DGCR8: variants seen among roughly 807,000 people sequenced by gnomAD.
DGCR8 encodes microprocessor complex subunit DGCR8.
A neutral mutation model predicts 78.5 loss-of-function variants in DGCR8; 14 were observed. The ratio of observed to expected loss-of-function variants is 0.18; its 90% CI spans 0.12 to 0.28. DGCR8 has a LOEUF of 0.28. Ranked by LOEUF, DGCR8 falls within the 10% of genes least tolerant of loss-of-function variation. DGCR8 has a pLI of 1.00. For synonymous variants in DGCR8, 399 were observed against 402.4 expected, an observed-to-expected ratio of 0.99 and a Z score of 0.10; for missense variants, 702 against 1,022.5, an observed-to-expected ratio of 0.69 and a Z score of 4.28.
Position 20,087,108 on chromosome 22 carries a change from G to C in DGCR8, c.721-54G>C. 1.3e-6 allele frequency: 2 copies of C among 1,561,610 alleles called. No individual in the cohort carries two copies. Among genetic ancestry groups the C allele is most frequent in the Non-Finnish European group, 1.7e-6 (2 of 1,151,108 alleles). ...CTCAGGAATGCTGTTGAGCTCTCCTGTTGCAGGAGCATGAGCGCCAGGGGC... is the reference window on the plus strand; with the variant it reads ...CTCAGGAATGCTGTTGAGCTCTCCTCTTGCAGGAGCATGAGCGCCAGGGGC... On this transcript the variant is annotated intron_variant, in intron 2 of 13. Transcript: ENST00000351989. The surrounding 1 kb of genome is among the most constrained non-coding windows in gnomAD (Gnocchi z 4.1).
At position 20,089,600 on chromosome 22, in the gene DGCR8, G is replaced by A; in HGVS notation, c.881-69G>A. On this transcript the variant is annotated intron_variant, in intron 3 of 13. Coordinates refer to ENST00000351989, the MANE Select transcript of DGCR8 (RefSeq NM_022720.7). The surrounding 1 kb of genome is among the most constrained non-coding windows in gnomAD (Gnocchi z 4.9). ...CTAGTACCCAACAATTTCTTGTGCA[G>A]GAGGTGCTGTGGCAACAATTCCAAG... is the stretch of plus-strand genomic sequence containing the variant. 2 of 1,555,846 alleles carry A rather than the reference G, an allele frequency of 1.3e-6. No homozygotes were observed. The highest frequency in any genetic ancestry group is 1.8e-6 in the Non-Finnish European group (2 of 1,135,634).
chr22:20,087,213 C>G lies in DGCR8; in HGVS notation c.772C>G (p.Pro258Ala). 2 of 1,613,872 alleles carry G rather than the reference C, an allele frequency of 1.2e-6. No homozygotes were observed. Among genetic ancestry groups the G allele is most frequent in the Non-Finnish European group, 8.5e-7 (1 of 1,179,846 alleles). The change falls in exon 3 of 14, where the codon CCC becomes GCC. Residue 258 changes from proline (P) to alanine (A), a missense_variant. By Grantham distance (27) the Pro-to-Ala change is conservative (BLOSUM62 -1). Coordinates refer to ENST00000351989, the MANE Select transcript of DGCR8 (RefSeq NM_022720.7). The surrounding 1 kb of genome is among the most constrained non-coding windows in gnomAD (Gnocchi z 4.1). Reference sequence around the variant, plus strand: ...TCTGCTGGAAGAAGGCCTTTGTGCCCCCAAAAAGAGGCGAACAGAGGAAAA... The same window carrying G: ...TCTGCTGGAAGAAGGCCTTTGTGCCGCCAAAAAGAGGCGAACAGAGGAAAA... The part of the protein sequence containing the change: ...DALLEEGLCA[P>A]KKRRTEEKYG...
chr22:20,084,815 T>C (rs1312232531), intron 1 of DGCR8, among the ~76,000 whole-genome samples: 2 of 152,240 alleles, frequency 1.3e-5, no homozygotes, highest in Non-Finnish European at 2.9e-5. Context: ...CTTTGTCCTC[T>C]GGCCTGGAGG....
At chr22:20,099,674 C>T in intron 9 of DGCR8, among the ~76,000 whole-genome samples, 1 of 152,228 alleles carries the variant, frequency 6.6e-6, no homozygotes, top group East Asian at 1.9e-4. Flanking sequence ...TTAATTCTGA[C>T]CATTTTTGCT....
chr22:20,084,741 G>A (rs894242115), intron 1 of DGCR8, among the ~76,000 whole-genome samples: 2 of 152,176 alleles, frequency 1.3e-5, no homozygotes, highest in Admixed American at 1.3e-4. Context: ...ACCTCCGTTG[G>A]GTCAACAAGT....
Position 20,111,363 on chromosome 22 carries a change from G to A in DGCR8, c.*1255G>A, listed in dbSNP as rs1226029834. On this transcript the variant is annotated 3_prime_UTR_variant, in exon 14 of 14. Transcript: ENST00000351989. ...GCCCCCTACAGGCGGTACTGATGGC[G>A]CTTTTTTTTTTTTTTCTGTCAGGAA... 9 of 378,544 alleles carry A rather than the reference G, an allele frequency of 2.4e-5. No homozygotes were observed. Among genetic ancestry groups the A allele is most frequent in the South Asian group, 1.5e-4 (1 of 6,716 alleles). The allele number at this position is 378,544 out of a possible 1,614,324, so 23.4% of individuals were successfully genotyped here.
rs769376348 is a variant in DGCR8 at position 20,092,925 on chromosome 22, G to C, written c.1705+18G>C. ...TAAAGCTGGTAACGTGCTTGCTTGG[G>C]TGTCAAAGATACGTGCTGCCTGCTG... On this transcript the variant is annotated intron_variant, in intron 8 of 13. Coordinates refer to ENST00000351989, the MANE Select transcript of DGCR8 (RefSeq NM_022720.7). The C allele has an allele frequency of 6.2e-7, 1 of 1,604,562 alleles. No homozygotes were observed. Among genetic ancestry groups the C allele is most frequent in the East Asian group, 2.2e-5 (1 of 44,612 alleles).
At chr22:20,104,901 C>T (rs1338290140) in intron 9 of DGCR8, among the ~76,000 whole-genome samples, 3 of 152,150 alleles carry the variant, frequency 2.0e-5, no homozygotes, top group African/African-American at 4.8e-5. Context: ...CCCTGTGGAG[C>T]GGGCTTGGCA....
intron 9 of DGCR8, chr22:20,096,604 A>G (rs2049631467): frequency 7.2e-6 from 3 of 416,362 alleles, no homozygotes; most frequent in Non-Finnish European, 9.7e-6. Context: ...TTGTATAACC[A>G]TCATAACTAC....
chr22:20,100,437 G>A (rs1458114195), intron 9 of DGCR8: 44 of 985,302 alleles, frequency 4.5e-5, no homozygotes, highest in Non-Finnish European at 5.2e-5. Context: ...AGGCCCTCTG[G>A]GGAAGTGCTT....
intron 9 of DGCR8, among the ~76,000 whole-genome samples, chr22:20,103,539 C>T (rs887937454): frequency 6.6e-6 from 1 of 151,938 alleles, no homozygotes; most frequent in Non-Finnish European, 1.5e-5. Flanking sequence ...AAAATGTGTT[C>T]CTGGGATAAG....
chr22:20,098,055 A>T (rs1283037577), intron 9 of DGCR8, among the ~76,000 whole-genome samples: 3 of 150,000 alleles, frequency 2.0e-5, no homozygotes, highest in Non-Finnish European at 4.4e-5. Flanking sequence ...TGAACCCAGG[A>T]GGTGGAGGTT....
intron 5 of DGCR8, 91 bp downstream of exon 5, chr22:20,090,349 GTTGTAC>G (rs2049540417): frequency 4.2e-6 from 6 of 1,431,118 alleles, no homozygotes; most frequent in Non-Finnish European, 4.7e-6. Flanking sequence ...ATAGTTCCTA[GTTGTAC>G]TTGTGAGCAA....
At chr22:20,084,566 G>A (rs1467356607) in intron 1 of DGCR8, among the ~76,000 whole-genome samples, 5 of 152,146 alleles carry the variant, frequency 3.3e-5, no homozygotes, top group Admixed American at 1.3e-4. Flanking sequence ...TCCTCAGTGC[G>A]TCCTGGCCTT....
chr22:20,106,467 C>A, intron 10 of DGCR8, 125 bp from the exon 11 acceptor site: 1 of 848,514 alleles, frequency 1.2e-6, no homozygotes, highest in Non-Finnish European at 1.9e-6. Context: ...ATTCCCTCCT[C>A]TGGCTGAGAT....
rs779318688 is a variant in DGCR8, at chr22:20,107,299, A to G, written c.2025A>G (p.Leu675=). 2 of 1,614,202 alleles carry G rather than the reference A, an allele frequency of 1.2e-6. No individual in the cohort carries two copies. The highest frequency in any genetic ancestry group is 1.7e-5 in the Admixed American group (1 of 60,032). The change falls in exon 12 of 14, where the codon TTA becomes TTG. Residue 675 remains leucine (L), a synonymous_variant. Coordinates refer to ENST00000351989, the MANE Select transcript of DGCR8 (RefSeq NM_022720.7). The part of the protein sequence containing the change: ...WCKNKRVGKQ[L]ASQKILQLLH... ...AGAACAAGAGAGTTGGAAAGCAGTTAGCCTCACAGAAGATCCTTCAGCTGC... is the reference window on the plus strand; with the variant it reads ...AGAACAAGAGAGTTGGAAAGCAGTTGGCCTCACAGAAGATCCTTCAGCTGC...
At position 20,110,254 on chromosome 22, in the gene DGCR8, C is replaced by G. The variant is rs1470724740; in HGVS notation, c.*146C>G. Reference sequence around the variant, plus strand: ...TGTGGGCCCGGCCTTAGGGTGGAGGCTTTAGTGTACAGGGACAGCCATGGC... The same window carrying G: ...TGTGGGCCCGGCCTTAGGGTGGAGGGTTTAGTGTACAGGGACAGCCATGGC... On this transcript the variant is annotated 3_prime_UTR_variant, in exon 14 of 14. Transcript: ENST00000351989. 1 of 737,928 alleles carries G rather than the reference C, an allele frequency of 1.4e-6. No individual in the cohort carries two copies. The highest frequency in any genetic ancestry group is 2.2e-6 in the Non-Finnish European group (1 of 452,304). 45.7% of individuals were successfully genotyped at this position (737,928 alleles called of 1,614,324 possible).
At position 20,111,716 on chromosome 22, in the gene DGCR8, CCCCCCCA is replaced by C. The variant is rs1238114010; in HGVS notation, c.*1612_*1618del. ...TTGTGGTCTCTGTGCGCCCCCCCCC[CCCCCCCA>C]CCCGTCTGCCAAGCATGGGTATGAA... is the stretch of plus-strand genomic sequence containing the variant. On this transcript the variant is annotated 3_prime_UTR_variant, in exon 14 of 14. Coordinates refer to ENST00000351989, the MANE Select transcript of DGCR8 (RefSeq NM_022720.7). The C allele has an allele frequency of 6.4e-4, 120 of 188,280 alleles. 2 individuals are homozygous for C. The highest frequency in any genetic ancestry group is 2.6e-3 in the South Asian group (7 of 2,718). The allele number at this position is 188,280 out of a possible 1,614,324, so 11.7% of individuals were successfully genotyped here. A position where few individuals can be genotyped will look rare whatever the true frequency, so the allele number is the denominator to read the frequency against.
chr22:20,096,109 A>G, intron 9 of DGCR8, among the ~76,000 whole-genome samples: 1 of 152,160 alleles, frequency 6.6e-6, no homozygotes, highest in East Asian at 1.9e-4. Context: ...CTAACAGGCC[A>G]TGGATTGGTA....
Sources: allele counts gnomAD v4.1 joint callset (sites outside exome capture counted in the v4.1 genomes callset), GRCh38; gene constraint gnomAD v4.1.1; non-coding constraint Gnocchi (gnomAD v3.1); transcripts MANE v1.5; gene names NCBI Gene and HGNC (gene_info 2026-07-23, HGNC 2026-07-21).